Variants in KANK1 observed in about 807,000 individuals in gnomAD.
KANK1 encodes the protein KN motif and ankyrin repeat domains 1, also known as KN motif and ankyrin repeat domain-containing protein 1.
A neutral mutation model predicts 106.2 loss-of-function variants in KANK1; 109 were observed. The observed-to-expected ratio is 1.03, with a 90% CI of 0.88 to 1.20. The LOEUF is 1.20. Ranked by LOEUF, KANK1 falls within the 50% of genes most tolerant of loss-of-function variation. The pLI, the probability that KANK1 is intolerant of heterozygous loss-of-function variation, is 0.00. For synonymous variants in KANK1, 873 were observed against 652.2 expected (o/e 1.34, Z -5.16); for missense variants, 2,399 against 1,710.7 (o/e 1.40, Z -7.10).
At position 611,302 on chromosome 9, in the gene KANK1, C is replaced by T. The variant is rs1019020031; in HGVS notation, c.-83-65588C>T. 2.6e-5 allele frequency among the ~76,000 whole-genome samples: 4 copies of T among 152,208 alleles called. No homozygotes were observed. In the South Asian group the frequency reaches 8.3e-4, roughly 32 times the overall value. On this transcript the variant is annotated intron_variant, in intron 1 of 11. Transcript: ENST00000382297. ...GTCACTGAACCAAGAGCCCAGCCCA[C>T]GGGGCCAGTTCCTCACCGACTCTAT...
At chr9:593,515 A>C (rs1825505101) in intron 1 of KANK1, among the ~76,000 whole-genome samples, 1 of 144,500 alleles carries the variant, frequency 6.9e-6, no homozygotes, top group African/African-American at 2.7e-5. Flanking sequence ...TATACACCTC[A>C]GTGGGATTTA....
rs111772969 is a variant in KANK1 at position 734,891 on chromosome 9, C to G, written c.3333+56C>G. On this transcript the variant is annotated intron_variant, in intron 7 of 11. Transcript: ENST00000382297. ...TGTGTACAAAGTGCATGAGTGGGTT[C>G]ATTGTCAAGGCCAGCTGTAGGCTGC... The G allele has an allele frequency of 1.5e-5, 19 of 1,299,636 alleles. No individual in the cohort carries two copies. In the African/African-American group the frequency reaches 2.2e-4, roughly 15 times the overall value. 80.5% of individuals were successfully genotyped at this position (1,299,636 alleles called of 1,614,324 possible).
chr9:531,122 A>G (rs563819488), intron 1 of KANK1, among the ~76,000 whole-genome samples: 2 of 152,064 alleles, frequency 1.3e-5, no homozygotes, highest in African/African-American at 4.8e-5. Flanking sequence ...TGAGGGGGAA[A>G]CAGATGCTAA....
rs754352542 is a variant in KANK1, at chr9:712,640, T to G, written c.1874T>G (p.Val625Gly). The G allele has an allele frequency of 1.2e-6, 2 of 1,613,998 alleles. No homozygotes were observed. The highest frequency in any genetic ancestry group is 8.5e-7 in the Non-Finnish European group (1 of 1,179,998). Residue 625 changes from valine (V) to glycine (G), a missense_variant, in exon 3 of 12, where the codon GTG becomes GGG. By Grantham distance (109) the Val-to-Gly change is moderately radical. Coordinates refer to ENST00000382297, the MANE Select transcript of KANK1 (RefSeq NM_015158.5). ...AAGACAAACTTGAATCTCAAAGAAGTGCGGTCTATCGGTTGTGGAGATTGT... is the reference window on the plus strand; with the variant it reads ...AAGACAAACTTGAATCTCAAAGAAGGGCGGTCTATCGGTTGTGGAGATTGT... ...LLKTNLNLKE[V>G]RSIGCGDCSV...
chr9:627,405 G>A (rs530353674), intron 1 of KANK1, among the ~76,000 whole-genome samples: 86 of 149,258 alleles, frequency 5.8e-4, no homozygotes, highest in African/African-American at 2.2e-3. Context: ...CAGAGCTTCT[G>A]CCCCCTCCCA....
chr9:592,151 T>C (rs1162244939), intron 1 of KANK1, among the ~76,000 whole-genome samples: 4 of 151,880 alleles, frequency 2.6e-5, no homozygotes, highest in Middle Eastern at 3.4e-3. Flanking sequence ...GAAGAGGTTT[T>C]GCAAAAGCTT....
chr9:474,935 A>G (rs1298010246), intron 3 of KANK1, among the ~76,000 whole-genome samples: 1 of 152,312 alleles, frequency 6.6e-6, no homozygotes, highest in East Asian at 1.9e-4. Flanking sequence ...TACAGTAGAT[A>G]GGCAGACATG....
upstream of KANK1, among the ~76,000 whole-genome samples, chr9:503,031 T>C (rs10974866): frequency 3.2e-5 from 3 of 93,170 alleles, no homozygotes; most frequent in East Asian, 8.6e-4. Flanking sequence ...TTTTTTTTGG[T>C]GAAAACAGAA....
intron 1 of KANK1, among the ~76,000 whole-genome samples, chr9:558,334 G>T (rs549706006): frequency 6.6e-6 from 1 of 152,188 alleles, no homozygotes. Flanking sequence ...CTATAAAGTC[G>T]CTGTGGACAT....
At chr9:670,567 T>C (rs908952678) in intron 1 of KANK1, among the ~76,000 whole-genome samples, 1 of 152,108 alleles carries the variant, frequency 6.6e-6, no homozygotes, top group African/African-American at 2.4e-5. Flanking sequence ...GGCTAGGAGT[T>C]CATGCCCAAG....
intron 1 of KANK1, among the ~76,000 whole-genome samples, chr9:666,605 G>A (rs1844641038): frequency 6.6e-6 from 1 of 152,028 alleles, no homozygotes; most frequent in South Asian, 2.1e-4. Context: ...TTATTATTTT[G>A]AGGTATGTTT....
At chr9:734,547 T>C (rs911427323) in intron 6 of KANK1, 1 of 452,226 alleles carries the variant, frequency 2.2e-6, no homozygotes, top group African/African-American at 2.0e-5. Context: ...ACACCTGTAG[T>C]CCCAGCTACT....
chr9:625,947 C>G (rs992662908), intron 1 of KANK1, among the ~76,000 whole-genome samples: 1 of 152,094 alleles, frequency 6.6e-6, no homozygotes, highest in Non-Finnish European at 1.5e-5. Context: ...CACCTTCAGT[C>G]ACTTCAGAAA....
intron 3 of KANK1, among the ~76,000 whole-genome samples, chr9:487,110 C>A (rs1033936611): frequency 3.3e-4 from 50 of 152,196 alleles, no homozygotes; most frequent in African/African-American, 1.2e-3. Context: ...TGGATATATA[C>A]AAGATGGTTG....
At chr9:703,305 T>A (rs529910511) in intron 2 of KANK1, among the ~76,000 whole-genome samples, 1 of 152,140 alleles carries the variant, frequency 6.6e-6, no homozygotes, top group Non-Finnish European at 1.5e-5. Context: ...ATTGTTGATA[T>A]ATGCCTTTGT....
In KANK1 at chr9:732,422, C is replaced by A. The variant is rs767597016; in HGVS notation, c.3050C>A (p.Ser1017Tyr). Residue 1017 changes from serine to tyrosine, a missense_variant, in exon 6 of 12, where the codon TCT (serine) becomes TAT (tyrosine). By Grantham distance (144) the Ser-to-Tyr change is moderately radical. Coordinates refer to ENST00000382297, the MANE Select transcript of KANK1 (RefSeq NM_015158.5). ...SSDDSSSDES[S>Y]SSESDDECDV... ...GATGATTCCAGCTCAGATGAAAGCT[C>A]TTCTTCCGAGTCAGATGACGAGTGT... 5.0e-6 allele frequency: 8 copies of A among 1,614,000 alleles called. No individual in the cohort carries two copies. The Admixed American group carries it at 1.3e-4, about 27-fold the overall frequency.
intron 1 of KANK1, among the ~76,000 whole-genome samples, chr9:520,578 A>G (rs756570402): frequency 6.6e-6 from 1 of 151,742 alleles, no homozygotes; most frequent in African/African-American, 2.4e-5. Context: ...AAACAATATA[A>G]TCTAACATAA....
Position 610,888 on chromosome 9 carries a change from G to T in KANK1, c.-83-66002G>T, listed in dbSNP as rs368709676. 3.9e-5 allele frequency among the ~76,000 whole-genome samples: 6 copies of T among 152,248 alleles called. No individual in the cohort carries two copies. In the East Asian group the frequency reaches 5.8e-4, roughly 15 times the overall value. ...TGGGCAAAGGGAAAGAGGCCAGTAC[G>T]CAAGAGTGCTGTTTATAAATGGTTA... On this transcript the variant is annotated intron_variant, in intron 1 of 11. Coordinates refer to ENST00000382297, the MANE Select transcript of KANK1 (RefSeq NM_015158.5).
chr9:612,667 A>G lies in KANK1; in HGVS notation c.-83-64223A>G, dbSNP rs145515509. 4.0e-3 allele frequency among the ~76,000 whole-genome samples: 613 copies of G among 152,334 alleles called. 3 individuals are homozygous for G. Among genetic ancestry groups the G allele is most frequent in the African/African-American group, 0.013 (554 of 41,570 alleles). On this transcript the variant is annotated intron_variant, in intron 1 of 11. Coordinates refer to ENST00000382297, the MANE Select transcript of KANK1 (RefSeq NM_015158.5). ...GACAGGATTTGTGGGATGAGAAATT[A>G]AAAAAGCAGTCCCTTCAGCTGAAGA...
Sources: gnomAD v4.1 joint callset for allele counts (sites outside exome capture counted in the v4.1 genomes callset) on GRCh38, gnomAD v4.1.1 for gene constraint, MANE v1.5 for transcripts, NCBI Gene and HGNC (gene_info 2026-07-23, HGNC 2026-07-21) for gene names.